Variants in ASTN1 observed in about 807,000 individuals in gnomAD.
ASTN1 encodes astrotactin 1.
In ASTN1, 41 loss-of-function variants were observed where a neutral mutation model predicts 140.7. That is an observed-to-expected ratio of 0.29 (90% CI 0.23 to 0.38). ASTN1 has a LOEUF of 0.38. Ranked by LOEUF, ASTN1 falls within the 10% of genes least tolerant of loss-of-function variation. The pLI, the probability that ASTN1 is intolerant of heterozygous loss-of-function variation, is 1.00. For synonymous variants in ASTN1, 640 were observed against 652.2 expected, an observed-to-expected ratio of 0.98 and a Z score of 0.29; for missense variants, 1,479 against 1,678.8, an observed-to-expected ratio of 0.88 and a Z score of 2.08.
intron 2 of ASTN1, among the ~76,000 whole-genome samples, chr1:177,040,686 C>T (rs573633018): frequency 6.6e-6 from 1 of 152,160 alleles, no homozygotes; most frequent in Non-Finnish European, 1.5e-5. Context: ...TTTTTAATTA[C>T]TTTTTAATTT....
In ASTN1 at chr1:176,864,307, A is replaced by C; in HGVS notation, c.3862T>G (p.Tyr1288Asp). 2 of 1,613,966 alleles carry C rather than the reference A, an allele frequency of 1.2e-6. No individual in the cohort carries two copies. Among genetic ancestry groups the C allele is most frequent in the Non-Finnish European group, 1.7e-6 (2 of 1,179,968 alleles). ...TGCTAGATCTCTTTGCTGTCCCCAT[A>C]GTCGTTGTAGGGGATACTCAGGGTC... is the stretch of plus-strand genomic sequence containing the variant. Reference protein sequence around the residue: ...EQTLSIPYNDYGDSKEI With the variant: ...EQTLSIPYNDDGDSKEI Residue 1288 changes from tyrosine (Y) to aspartate (D), a missense_variant, in exon 23 of 23, where the codon TAT becomes GAT. Physicochemically the swap from Tyr to Asp is radical, Grantham distance 160. Around this residue, in one of 3 missense-constraint regions of ASTN1, gnomAD observed 746 missense variants for 800.9 expected, o/e 0.93. Coordinates refer to ENST00000361833, the MANE Select transcript of ASTN1 (RefSeq NM_004319.3).
chr1:177,005,406 A>G (rs1474350424), intron 8 of ASTN1, among the ~76,000 whole-genome samples: 4 of 152,190 alleles, frequency 2.6e-5, no homozygotes, highest in African/African-American at 9.7e-5. Context: ...CCTCTATGGA[A>G]AGCAGCATGG....
intron 16 of ASTN1, among the ~76,000 whole-genome samples, chr1:176,933,593 A>G (rs571714259): frequency 9.5e-4 from 145 of 152,374 alleles, no homozygotes; most frequent in South Asian, 2.5e-3. Context: ...CTTGCTGTCA[A>G]GACAGTAGAC....
intron 2 of ASTN1, among the ~76,000 whole-genome samples, chr1:177,057,473 T>A (rs1677866193): frequency 6.6e-6 from 1 of 152,172 alleles, no homozygotes; most frequent in African/African-American, 2.4e-5. Flanking sequence ...ATTGAGGAAA[T>A]ATGGATAAAA....
intron 1 of ASTN1, among the ~76,000 whole-genome samples, chr1:177,061,497 C>T (rs1043054032): frequency 1.3e-5 from 2 of 152,146 alleles, no homozygotes; most frequent in African/African-American, 4.8e-5. Context: ...TCTAGTGAAC[C>T]AGGCTCTCAC....
chr1:177,084,071 T>C (rs1474594020), intron 1 of ASTN1, among the ~76,000 whole-genome samples: 4 of 152,206 alleles, frequency 2.6e-5, no homozygotes, highest in African/African-American at 9.7e-5. Context: ...CCTTATAATA[T>C]CTGCAAATAC....
chr1:176,862,127 G>A lies in ASTN1; in HGVS notation c.*2157C>T. ...CTGTCACATCTTCTCTGGCAATGGT[G>A]AAATATTTGCCCCTTGAGGCACTTT... On this transcript the variant is annotated 3_prime_UTR_variant, in exon 23 of 23. Transcript: ENST00000361833. 1 of 985,448 alleles carries A rather than the reference G, an allele frequency of 1.0e-6. No individual in the cohort carries two copies. The highest frequency in any genetic ancestry group is 1.2e-6 in the Non-Finnish European group (1 of 829,936). The allele number at this position is 985,448 out of a possible 1,614,324, so 61.0% of individuals were successfully genotyped here. A position where few individuals can be genotyped will look rare whatever the true frequency, so the allele number is the denominator to read the frequency against.
In ASTN1 at chr1:176,971,498, G is replaced by A. The variant is rs550813136; in HGVS notation, c.1524-6261C>T. On this transcript the variant is annotated intron_variant, in intron 8 of 22. Coordinates refer to ENST00000361833, the MANE Select transcript of ASTN1 (RefSeq NM_004319.3). ...CTTTGCAGATGTTGTTTCTCTACCT[G>A]GAATACCACCCCCGACATATCCCCT... 2.0e-5 allele frequency among the ~76,000 whole-genome samples: 3 copies of A among 152,208 alleles called. No individual in the cohort carries two copies. The East Asian group carries it at 5.8e-4, about 29-fold the overall frequency.
intron 1 of ASTN1, among the ~76,000 whole-genome samples, chr1:177,160,691 AATATGAAATTTTAGTTCAG>A (rs1340903674): frequency 6.6e-6 from 1 of 152,240 alleles, no homozygotes; most frequent in Admixed American, 6.5e-5. Flanking sequence ...TGAAAGCTGA[AATATGAAATTTTAGTTCAG>A]ATATGAAATA....
intron 8 of ASTN1, among the ~76,000 whole-genome samples, chr1:176,966,377 G>A (rs1181058973): frequency 6.6e-6 from 1 of 152,262 alleles, no homozygotes; most frequent in East Asian, 1.9e-4. Context: ...TTTAGAAGGT[G>A]GGGCTAGGAT....
At chr1:176,914,377 T>C (rs1227591631) in intron 16 of ASTN1, among the ~76,000 whole-genome samples, 1 of 152,158 alleles carries the variant, frequency 6.6e-6, no homozygotes, top group East Asian at 1.9e-4. Context: ...CTTCGCTGAC[T>C]AGGTAGTTAG....
At chr1:177,128,006 CAG>C (rs35452614) in intron 1 of ASTN1, among the ~76,000 whole-genome samples, 31,304 of 151,798 alleles carry the variant, frequency 0.21, 3,802 homozygotes, top group East Asian at 0.34. Flanking sequence ...TAAAATAAAA[CAG>C]TAATAATAAT....
intron 1 of ASTN1, among the ~76,000 whole-genome samples, chr1:177,097,621 G>A (rs1367991990): frequency 6.6e-6 from 1 of 152,144 alleles, no homozygotes; most frequent in Admixed American, 6.6e-5. Flanking sequence ...GGTAAGAGGA[G>A]GAACATCTTT....
chr1:176,942,348 G>A (rs1032050505), intron 14 of ASTN1, among the ~76,000 whole-genome samples: 1 of 152,160 alleles, frequency 6.6e-6, no homozygotes, highest in African/African-American at 2.4e-5. Context: ...GCTAAGCCCT[G>A]CTGCCAGGCT....
intron 14 of ASTN1, among the ~76,000 whole-genome samples, chr1:176,942,545 C>T (rs1447037499): frequency 1.3e-5 from 2 of 151,786 alleles, no homozygotes; most frequent in African/African-American, 4.8e-5. Context: ...ATATCTTGGG[C>T]CCCCCAAATC....
At chr1:177,035,480 T>C (rs1418279234) in intron 2 of ASTN1, among the ~76,000 whole-genome samples, 1 of 152,224 alleles carries the variant, frequency 6.6e-6, no homozygotes, top group Non-Finnish European at 1.5e-5. Context: ...GGAGCTATCA[T>C]AAACAAACGA....
At chr1:177,065,372 T>C (rs1251240535) in intron 1 of ASTN1, among the ~76,000 whole-genome samples, 2 of 152,220 alleles carry the variant, frequency 1.3e-5, no homozygotes, top group Admixed American at 1.3e-4. Flanking sequence ...TATTCTTGTA[T>C]ACAATACATA....
chr1:176,986,411 G>A (rs1441320163), intron 8 of ASTN1, among the ~76,000 whole-genome samples: 1 of 152,138 alleles, frequency 6.6e-6, no homozygotes, highest in Non-Finnish European at 1.5e-5. Flanking sequence ...AGGTACATGT[G>A]GCTAAGGAGT....
chr1:177,031,807 G>A (rs1676458849), intron 3 of ASTN1, among the ~76,000 whole-genome samples: 2 of 152,190 alleles, frequency 1.3e-5, no homozygotes, highest in South Asian at 4.1e-4. Context: ...TTACTGTAAA[G>A]GAAGAGTGCA....
Sources: gnomAD v4.1 joint callset for allele counts (sites outside exome capture counted in the v4.1 genomes callset) on GRCh38, gnomAD v4.1.1 for gene constraint, gnomAD v4.1.1 regional missense constraint, MANE v1.5 for transcripts, NCBI Gene and HGNC (gene_info 2026-07-23, HGNC 2026-07-21) for gene names.